Variants in BBS9 observed in about 807,000 individuals in gnomAD.
BBS9 encodes the protein Bardet-Biedl syndrome 9, also known as protein PTHB1.
In BBS9, 89 loss-of-function variants were observed where a neutral mutation model predicts 117.7. The ratio of observed to expected loss-of-function variants is 0.76; its 90% CI spans 0.64 to 0.90. The LOEUF (loss-of-function observed/expected upper bound fraction) is 0.90, where lower values mean the gene tolerates loss of function less well. Among genes scored for constraint, BBS9 ranks in the 40% least tolerant of loss-of-function variants. BBS9 has a pLI of 0.00. For missense variants in BBS9, 982 were observed against 1,042.2 expected, an observed-to-expected ratio of 0.94 and a Z score of 0.80; for synonymous variants, 379 against 370.9, an observed-to-expected ratio of 1.02 and a Z score of -0.25.
intron 21 of BBS9, among the ~76,000 whole-genome samples, chr7:33,554,457 C>G (rs577352162): frequency 6.6e-6 from 1 of 152,174 alleles, no homozygotes; most frequent in Admixed American, 6.5e-5. Flanking sequence ...CTAGAATACA[C>G]AGAGCTTGGT....
At chr7:33,324,057 TG>T (rs968384350) in intron 9 of BBS9, among the ~76,000 whole-genome samples, 1 of 151,994 alleles carries the variant, frequency 6.6e-6, no homozygotes, top group Non-Finnish European at 1.5e-5. Context: ...AGGCTAATCT[TG>T]AACTCTTGAC....
rs572931423 is a variant in BBS9 at position 33,324,896 on chromosome 7, T to C, written c.1017-11545T>C. Among the ~76,000 whole-genome samples, 24 of 152,358 alleles carry C rather than the reference T, an allele frequency of 1.6e-4. 1 individual carries two copies. Among genetic ancestry groups the C allele is most frequent in the African/African-American group, 5.8e-4 (24 of 41,600 alleles). ...ATTTGTTTCTTTTCTCTTCCTGCTT[T>C]TAGGATCCTTTCTTTATCCTTGCCT... On this transcript the variant is annotated intron_variant, in intron 9 of 22. Coordinates refer to ENST00000242067, the MANE Select transcript of BBS9 (RefSeq NM_198428.3).
chr7:33,160,715 T>A (rs907424379), intron 4 of BBS9, among the ~76,000 whole-genome samples: 2 of 152,178 alleles, frequency 1.3e-5, no homozygotes, highest in Non-Finnish European at 2.9e-5. Flanking sequence ...GTGAGATTAT[T>A]AACTCAAAAT....
At chr7:33,592,866 G>A (rs1300080550) in intron 21 of BBS9, among the ~76,000 whole-genome samples, 1 of 152,116 alleles carries the variant, frequency 6.6e-6, no homozygotes, top group African/African-American at 2.4e-5. Context: ...ATTATGTGGT[G>A]TCCAGGCAAA....
intron 9 of BBS9, among the ~76,000 whole-genome samples, chr7:33,326,127 A>G (rs1812774305): frequency 6.6e-6 from 1 of 152,076 alleles, no homozygotes; most frequent in Non-Finnish European, 1.5e-5. Flanking sequence ...TCTGGGAGCC[A>G]GGGTCTGGAA....
chr7:33,441,544 C>G (rs551221843), intron 19 of BBS9, among the ~76,000 whole-genome samples: 1 of 152,190 alleles, frequency 6.6e-6, no homozygotes, highest in East Asian at 1.9e-4. Context: ...TAAATTATGT[C>G]TATTTCTTTA....
At chr7:33,231,059 T>A (rs1268650991) in intron 5 of BBS9, among the ~76,000 whole-genome samples, 1 of 152,184 alleles carries the variant, frequency 6.6e-6, no homozygotes, top group Non-Finnish European at 1.5e-5. Flanking sequence ...AGTGTTCCCT[T>A]TTCACCACAT....
intron 19 of BBS9, among the ~76,000 whole-genome samples, chr7:33,459,627 T>C (rs1206065679): frequency 6.6e-6 from 1 of 152,158 alleles, no homozygotes; most frequent in Non-Finnish European, 1.5e-5. Flanking sequence ...GAGTTTTTGT[T>C]TTGAGCACTT....
rs1401715737 is a variant in BBS9 at position 33,352,861 on chromosome 7, C to T, written c.1540C>T (p.Arg514Ter). ...AVVSYSRPTD[R>*]NPDGIPRVIQ... ...TTTGCATTGCCTGTGATGGACAGAT[C>T]GAAATCCTGATGGTAAGTGTAAAGA... is the stretch of plus-strand genomic sequence containing the variant. The change falls in exon 15 of 23, where the codon CGA (arginine) becomes TGA (stop). Residue 514 changes from arginine (R) to a stop codon, truncating the protein, a stop_gained and splice_region_variant. Transcript: ENST00000242067. LOFTEE classifies it high-confidence loss of function. 3 of 1,612,300 alleles carry T rather than the reference C, an allele frequency of 1.9e-6. No individual in the cohort carries two copies. Among genetic ancestry groups the T allele is most frequent in the African/African-American group, 1.3e-5 (1 of 74,910 alleles).
chr7:33,173,802 T>C (rs1284954939), intron 4 of BBS9, among the ~76,000 whole-genome samples: 2 of 152,222 alleles, frequency 1.3e-5, no homozygotes, highest in African/African-American at 2.4e-5. Context: ...TGGAAGTTAC[T>C]CAGTTCTTCA....
intron 21 of BBS9, among the ~76,000 whole-genome samples, chr7:33,576,289 G>A (rs908733732): frequency 3.9e-5 from 6 of 152,142 alleles, no homozygotes; most frequent in African/African-American, 1.4e-4. Context: ...CAAATCATGA[G>A]TGGACTCCCA....
At chr7:33,407,691 G>T (rs560332266) in intron 19 of BBS9, among the ~76,000 whole-genome samples, 1 of 152,310 alleles carries the variant, frequency 6.6e-6, no homozygotes, top group East Asian at 1.9e-4. Context: ...GAGTTTGCTA[G>T]AGGTCCACTC....
intron 17 of BBS9, among the ~76,000 whole-genome samples, chr7:33,369,216 TA>T (rs1277400459): frequency 6.6e-6 from 1 of 152,180 alleles, no homozygotes; most frequent in African/African-American, 2.4e-5. Flanking sequence ...TTGGTTAAAC[TA>T]AAAAAGTTAT....
At chr7:33,255,487 C>T (rs1796892884) in intron 5 of BBS9, among the ~76,000 whole-genome samples, 1 of 151,762 alleles carries the variant, frequency 6.6e-6, no homozygotes, top group Non-Finnish European at 1.5e-5. Flanking sequence ...CAAATATACT[C>T]ATTTTACAAA....
chr7:33,247,035 C>T (rs1795446188), intron 5 of BBS9, among the ~76,000 whole-genome samples: 1 of 151,640 alleles, frequency 6.6e-6, no homozygotes, highest in African/African-American at 2.4e-5. Flanking sequence ...TCTTAAAACC[C>T]CCCCATTTTT....
Position 33,294,307 on chromosome 7 carries a change from A to ATCTATCTATCTG in BBS9, c.1016+20362_1016+20363insGTCTATCTATCT, listed in dbSNP as rs968438291. ...CTATCTATCATCTATCTATCTATCTATCTATCTATCTATCTATCTATCTAT... is the reference window on the plus strand; with the variant it reads ...CTATCTATCATCTATCTATCTATCTATCTATCTATCTGTCTATCTATCTATCTATCTATCTAT... On this transcript the variant is annotated intron_variant, in intron 9 of 22. Transcript: ENST00000242067. Among the ~76,000 whole-genome samples, 170 of 88,260 alleles carry ATCTATCTATCTG rather than the reference A, an allele frequency of 1.9e-3. 2 individuals carry two copies. Among genetic ancestry groups the ATCTATCTATCTG allele is most frequent in the African/African-American group, 0.01 (169 of 16,766 alleles). 57.9% of individuals were successfully genotyped at this position (88,260 alleles called of 152,430 possible).
At chr7:33,417,214 G>A (rs1832153676) in intron 19 of BBS9, among the ~76,000 whole-genome samples, 1 of 152,112 alleles carries the variant, frequency 6.6e-6, no homozygotes, top group Non-Finnish European at 1.5e-5. Flanking sequence ...TTTGAAATGT[G>A]TTCTGATTCA....
chr7:33,327,066 T>A (rs1294496101), intron 9 of BBS9, among the ~76,000 whole-genome samples: 6 of 152,140 alleles, frequency 3.9e-5, no homozygotes, highest in Non-Finnish European at 8.8e-5. Context: ...GCCCAGGAAT[T>A]GTGGTTCTTG....
rs1816392417 is a variant in BBS9 at position 33,340,930 on chromosome 7, T to G, written c.1232T>G (p.Leu411Trp). The change falls in exon 11 of 23, where the codon TTG (leucine) becomes TGG (tryptophan). Residue 411 changes from leucine to tryptophan, a missense_variant. Coordinates refer to ENST00000242067, the MANE Select transcript of BBS9 (RefSeq NM_198428.3). ...VWPMTEREDDLNVSVVVSPNF... is the reference protein window; with the variant it reads ...VWPMTEREDDWNVSVVVSPNF... ...CCCATGACTGAGAGAGAAGATGACT[T>G]GAACGTTTCTGTCGTGGTTTCTCCT... 1 of 1,613,570 alleles carries G rather than the reference T, an allele frequency of 6.2e-7. No homozygotes were observed. The highest frequency in any genetic ancestry group is 8.5e-7 in the Non-Finnish European group (1 of 1,179,578).
Sources: allele counts gnomAD v4.1 joint callset (sites outside exome capture counted in the v4.1 genomes callset), GRCh38; gene constraint gnomAD v4.1.1; transcripts MANE v1.5; gene names NCBI Gene and HGNC (gene_info 2026-07-23, HGNC 2026-07-21).